MACROD2: variants seen among roughly 807,000 people sequenced by gnomAD.
MACROD2 encodes mono-ADP ribosylhydrolase 2, also known as ADP-ribose glycohydrolase MACROD2.
In MACROD2, 36 loss-of-function variants were observed where a neutral mutation model predicts 70.4. The observed-to-expected ratio is 0.51, with a 90% CI of 0.39 to 0.68. The LOEUF is 0.68. Among genes scored for constraint, MACROD2 ranks in the 30% least tolerant of loss-of-function variants. MACROD2 has a pLI of 0.00. For missense variants in MACROD2, 496 were observed against 538.4 expected (o/e 0.92, Z 0.78); for synonymous variants, 172 against 178.8 (o/e 0.96, Z 0.30).
At chr20:14,612,520 G>A (rs1983230168) in intron 4 of MACROD2, among the ~76,000 whole-genome samples, 1 of 151,982 alleles carries the variant, frequency 6.6e-6, no homozygotes, top group Admixed American at 6.6e-5. Flanking sequence ...ACAGGGACAG[G>A]GTGGGGGTGT....
At chr20:15,147,828 T>C (rs983421436) in intron 5 of MACROD2, among the ~76,000 whole-genome samples, 8 of 151,958 alleles carry the variant, frequency 5.3e-5, no homozygotes, top group African/African-American at 1.7e-4. Flanking sequence ...GGCCATTTTA[T>C]AGGATTTGGG....
intron 12 of MACROD2, among the ~76,000 whole-genome samples, chr20:15,940,506 C>A (rs2065736372): frequency 6.6e-6 from 1 of 152,164 alleles, no homozygotes; most frequent in South Asian, 2.1e-4. Context: ...TGGCAAACTT[C>A]ATCACTGTCT....
intron 9 of MACROD2, among the ~76,000 whole-genome samples, chr20:15,875,652 C>T (rs2064657665): frequency 6.6e-6 from 1 of 151,738 alleles, no homozygotes; most frequent in Non-Finnish European, 1.5e-5. Flanking sequence ...GCAATCTGTC[C>T]CTTCCAACGG....
chr20:15,375,401 A>G (rs775818580), intron 6 of MACROD2, among the ~76,000 whole-genome samples: 2 of 152,160 alleles, frequency 1.3e-5, no homozygotes, highest in African/African-American at 2.4e-5. Flanking sequence ...AAGAGCTCCA[A>G]GAAAGACTCA....
intron 12 of MACROD2, among the ~76,000 whole-genome samples, chr20:15,948,382 CAAAAAAAAAAAAAAAAAAA>C (rs71192307): frequency 4.6e-5 from 2 of 43,128 alleles, no homozygotes; most frequent in African/African-American, 7.0e-5. Flanking sequence ...CTTGCAACTG[CAAAAAAAAAAAAAAAAAAA>C]AAAAAAAAAA....
At chr20:15,568,629 C>G (rs1242139188) in intron 8 of MACROD2, among the ~76,000 whole-genome samples, 1 of 152,150 alleles carries the variant, frequency 6.6e-6, no homozygotes, top group Non-Finnish European at 1.5e-5. Context: ...GCCCTTTGAT[C>G]AGAGCTAGTC....
At chr20:14,371,311 C>T (rs1213788852) in intron 3 of MACROD2, among the ~76,000 whole-genome samples, 1 of 151,990 alleles carries the variant, frequency 6.6e-6, no homozygotes, top group East Asian at 1.9e-4. Context: ...ACAGCAAGAC[C>T]CCATCTCTAC....
intron 8 of MACROD2, among the ~76,000 whole-genome samples, chr20:15,740,951 C>T (rs59003576): frequency 0.11 from 17,233 of 152,016 alleles, 1,142 homozygotes; most frequent in Admixed American, 0.14. Context: ...TCCTTTCAAC[C>T]CAGTAGTGAG....
intron 5 of MACROD2, among the ~76,000 whole-genome samples, chr20:14,742,833 C>G (rs2071749745): frequency 6.6e-6 from 1 of 150,738 alleles, no homozygotes; most frequent in African/African-American, 2.4e-5. Flanking sequence ...GTGACGGGAT[C>G]TCGGCTCACT....
chr20:15,909,766 G>A lies in MACROD2; in HGVS notation c.776-23510G>A, dbSNP rs1483586180. Among the ~76,000 whole-genome samples, 10 of 151,802 alleles carry A rather than the reference G, an allele frequency of 6.6e-5. No homozygotes were observed. In the East Asian group the frequency reaches 9.7e-4, roughly 15 times the overall value. ...TCTCGATCTCCTGACCTCGTGATCCGCCCGCCTCAGCCTCCCAAAGTGCTG... is the reference window on the plus strand; with the variant it reads ...TCTCGATCTCCTGACCTCGTGATCCACCCGCCTCAGCCTCCCAAAGTGCTG... On this transcript the variant is annotated intron_variant, in intron 10 of 17. Transcript: ENST00000684519.
At chr20:15,799,361 A>G (rs905310978) in intron 8 of MACROD2, among the ~76,000 whole-genome samples, 1 of 152,164 alleles carries the variant, frequency 6.6e-6, no homozygotes, top group Non-Finnish European at 1.5e-5. Context: ...AGTTATTCTA[A>G]TGAGCTATCA....
chr20:14,346,792 T>C (rs1293335188), intron 3 of MACROD2, among the ~76,000 whole-genome samples: 1 of 152,180 alleles, frequency 6.6e-6, no homozygotes, highest in Non-Finnish European at 1.5e-5. Flanking sequence ...GTTTAATGCC[T>C]TGTTTGCCAC....
chr20:14,757,516 TAA>T, intron 5 of MACROD2: 1 of 629,328 alleles, frequency 1.6e-6, no homozygotes. Context: ...TGTCTCTTTT[TAA>T]AAGACTGTAT....
At chr20:15,494,075 G>T (rs1337771276) in intron 7 of MACROD2, among the ~76,000 whole-genome samples, 1 of 152,058 alleles carries the variant, frequency 6.6e-6, no homozygotes, top group Non-Finnish European at 1.5e-5. Context: ...AACTTGTCTT[G>T]GCTTCTAGTT....
intron 3 of MACROD2, among the ~76,000 whole-genome samples, chr20:14,483,621 G>A (rs995329485): frequency 2.6e-5 from 4 of 152,084 alleles, no homozygotes; most frequent in Non-Finnish European, 5.9e-5. Context: ...GGTCACACTG[G>A]TCTCGAACTC....
intron 5 of MACROD2, among the ~76,000 whole-genome samples, chr20:14,956,892 TA>T (rs2074541567): frequency 1.3e-5 from 2 of 152,168 alleles, no homozygotes. Flanking sequence ...ACTACATGAA[TA>T]CACGTTTATG....
At chr20:15,813,951 T>C (rs2063846697) in intron 8 of MACROD2, among the ~76,000 whole-genome samples, 1 of 152,190 alleles carries the variant, frequency 6.6e-6, no homozygotes, top group Admixed American at 6.5e-5. Context: ...GTTCATGTTG[T>C]TTTTGGAAAT....
intron 3 of MACROD2, among the ~76,000 whole-genome samples, chr20:14,423,791 TCG>T (rs2083903812): frequency 8.1e-6 from 1 of 123,782 alleles, no homozygotes; most frequent in African/African-American, 2.8e-5. Flanking sequence ...AGACGGAGTT[TCG>T]CTCTTTTCGC....
chr20:15,401,027 G>A (rs1208766507), intron 6 of MACROD2, among the ~76,000 whole-genome samples: 5 of 150,830 alleles, frequency 3.3e-5, no homozygotes, highest in Non-Finnish European at 7.4e-5. Context: ...TAACGGATCT[G>A]AAGGGCAGCT....
Sources: allele counts gnomAD v4.1 joint callset (sites outside exome capture counted in the v4.1 genomes callset), GRCh38; gene constraint gnomAD v4.1.1; transcripts MANE v1.5; gene names NCBI Gene and HGNC (gene_info 2026-07-23, HGNC 2026-07-21).